Variants in CDC123 observed in about 807,000 individuals in gnomAD.
CDC123 encodes translation initiation factor eIF2 assembly protein.
CDC123 carries 37 observed loss-of-function variants against 54.4 expected under a neutral mutation model. That is an observed-to-expected ratio of 0.68 (90% CI 0.52 to 0.89). The LOEUF is 0.89. Ranked by LOEUF, CDC123 falls within the 40% of genes least tolerant of loss-of-function variation. CDC123 has a pLI of 0.00. For synonymous variants in CDC123, 144 were observed against 136.8 expected, an observed-to-expected ratio of 1.05 and a Z score of -0.37; for missense variants, 361 against 412.1, an observed-to-expected ratio of 0.88 and a Z score of 1.07.
Position 12,223,269 on chromosome 10 carries a change from G to A in CDC123, c.440+5802G>A, listed in dbSNP as rs557676562. On this transcript the variant is annotated intron_variant, in intron 6 of 12. Coordinates refer to ENST00000281141, the MANE Select transcript of CDC123 (RefSeq NM_006023.3). ...GGTGTGTTGATTATAATTATTATTC[G>A]TTTATGTATTTTATTTTATTTTTAT... is the stretch of plus-strand genomic sequence containing the variant. 1.6e-4 allele frequency among the ~76,000 whole-genome samples: 25 copies of A among 151,554 alleles called. 1 individual carries two copies. The South Asian group carries it at 5.0e-3, about 30-fold the overall frequency.
intron 6 of CDC123, among the ~76,000 whole-genome samples, chr10:12,218,820 A>G (rs959367841): frequency 1.3e-5 from 2 of 152,236 alleles, no homozygotes; most frequent in Admixed American, 6.5e-5. Flanking sequence ...TTGACAGTGC[A>G]GTCAGCGTTG....
intron 4 of CDC123, among the ~76,000 whole-genome samples, chr10:12,211,045 C>T (rs1004508671): frequency 6.6e-6 from 1 of 152,024 alleles, no homozygotes; most frequent in South Asian, 2.1e-4. Flanking sequence ...TTCTTTCAAG[C>T]GAGAGTAGAG....
intron 12 of CDC123, chr10:12,249,943 T>C (rs552267706): frequency 1.8e-6 from 1 of 550,668 alleles, no homozygotes; most frequent in East Asian, 3.2e-5. Flanking sequence ...GTACATGCCT[T>C]TTGAACATTT....
At chr10:12,231,141 A>G (rs1324230647) in intron 7 of CDC123, 145 bp downstream of exon 7, 1 of 653,266 alleles carries the variant, frequency 1.5e-6, no homozygotes, top group Admixed American at 3.0e-5. Flanking sequence ...TTTATGAAAT[A>G]TACACATAAA....
chr10:12,201,098 T>C (rs1835433860), intron 2 of CDC123, among the ~76,000 whole-genome samples: 1 of 152,232 alleles, frequency 6.6e-6, no homozygotes, highest in African/African-American at 2.4e-5. Flanking sequence ...TTTTAAGTAA[T>C]ATCTTTGCTA....
At position 12,224,020 on chromosome 10, in the gene CDC123, C is replaced by T. The variant is rs117726879; in HGVS notation, c.440+6553C>T. Among the ~76,000 whole-genome samples, 78 of 152,254 alleles carry T rather than the reference C, an allele frequency of 5.1e-4. 1 individual carries two copies. The East Asian group carries it at 0.013, about 25-fold the overall frequency. ...GTCTTTTATCCCTCGCCAACCCTCA[C>T]CCTTTCCCCTGAGTCCCAGAAGTCC... On this transcript the variant is annotated intron_variant, in intron 6 of 12. Coordinates refer to ENST00000281141, the MANE Select transcript of CDC123 (RefSeq NM_006023.3).
intron 6 of CDC123, among the ~76,000 whole-genome samples, chr10:12,229,991 T>A (rs1835877071): frequency 6.6e-6 from 1 of 152,214 alleles, no homozygotes; most frequent in South Asian, 2.1e-4. Context: ...TCGTTGAGAA[T>A]CAGGGGTTAG....
rs548817279 is a variant in CDC123, at chr10:12,198,844, C to G, written c.146+68C>G. 2.2e-5 allele frequency: 18 copies of G among 833,936 alleles called. No homozygotes were observed. In the East Asian group the frequency reaches 2.9e-4, roughly 14 times the overall value. The allele number at this position is 833,936 out of a possible 1,614,324, so 51.7% of individuals were successfully genotyped here. On this transcript the variant is annotated intron_variant, in intron 2 of 12. Coordinates refer to ENST00000281141, the MANE Select transcript of CDC123 (RefSeq NM_006023.3). ...GAAACACATAAAATGAATGAATTAG[C>G]TTAGGCACCATTCTTTCCCTTTAGC...
chr10:12,201,402 G>C (rs900543831), intron 2 of CDC123, among the ~76,000 whole-genome samples: 1 of 152,190 alleles, frequency 6.6e-6, no homozygotes, highest in African/African-American at 2.4e-5. Context: ...TGAGGATCGC[G>C]AGGAGGGTCG....
chr10:12,229,121 G>A (rs1164426034), intron 6 of CDC123, among the ~76,000 whole-genome samples: 1 of 152,152 alleles, frequency 6.6e-6, no homozygotes, highest in Non-Finnish European at 1.5e-5. Context: ...TCTCCCCGAG[G>A]CTATTGCAGC....
chr10:12,235,401 G>A (rs1163694297), intron 8 of CDC123, among the ~76,000 whole-genome samples: 3 of 152,142 alleles, frequency 2.0e-5, no homozygotes, highest in Admixed American at 2.0e-4. Context: ...TCCTGATTTA[G>A]GAATCAGGAA....
At chr10:12,231,256 C>T (rs956409811) in intron 7 of CDC123, among the ~76,000 whole-genome samples, 10 of 152,268 alleles carry the variant, frequency 6.6e-5, no homozygotes, top group South Asian at 2.1e-4. Context: ...CACCTTTATA[C>T]GCCTCACAGG....
At chr10:12,200,201 A>T (rs1414968155) in intron 2 of CDC123, among the ~76,000 whole-genome samples, 1 of 136,366 alleles carries the variant, frequency 7.3e-6, no homozygotes, top group Non-Finnish European at 1.5e-5. Context: ...ATCTCAGCTC[A>T]CTGCAATCTC....
intron 11 of CDC123, chr10:12,246,884 A>G (rs1254547043): frequency 3.4e-5 from 4 of 119,330 alleles, no homozygotes; most frequent in African/African-American, 1.0e-4. Flanking sequence ...CACTCTGGAC[A>G]CTGTGTCCTC....
chr10:12,244,485 T>C (rs1192047974), intron 10 of CDC123, among the ~76,000 whole-genome samples: 4 of 152,174 alleles, frequency 2.6e-5, no homozygotes, highest in Non-Finnish European at 5.9e-5. Context: ...CAGCACTGGC[T>C]GTTTTCTGCT....
intron 4 of CDC123, among the ~76,000 whole-genome samples, chr10:12,214,872 C>G (rs1835643699): frequency 6.6e-6 from 1 of 152,086 alleles, no homozygotes; most frequent in Non-Finnish European, 1.5e-5. Context: ...GGCAGCAATC[C>G]TCTTTACAGG....
At chr10:12,220,604 G>C (rs923849206) in intron 6 of CDC123, among the ~76,000 whole-genome samples, 1 of 152,364 alleles carries the variant, frequency 6.6e-6, no homozygotes, top group Non-Finnish European at 1.5e-5. Context: ...ATAACAGGAA[G>C]TGTTGCCATC....
intron 6 of CDC123, among the ~76,000 whole-genome samples, chr10:12,229,603 G>A (rs1835871730): frequency 6.6e-6 from 1 of 152,202 alleles, no homozygotes; most frequent in Non-Finnish European, 1.5e-5. Context: ...CCTTGGTGCT[G>A]CAGAGTATTT....
At chr10:12,226,148 C>T (rs1835809722) in intron 6 of CDC123, among the ~76,000 whole-genome samples, 1 of 152,036 alleles carries the variant, frequency 6.6e-6, no homozygotes, top group Non-Finnish European at 1.5e-5. Flanking sequence ...TGGAGTCTCC[C>T]ATGTCTACTT....
Sources: allele counts gnomAD v4.1 joint callset (sites outside exome capture counted in the v4.1 genomes callset), GRCh38; gene constraint gnomAD v4.1.1; transcripts MANE v1.5; gene names NCBI Gene and HGNC (gene_info 2026-07-23, HGNC 2026-07-21).